BBX: variants seen among roughly 807,000 people sequenced by gnomAD.
BBX encodes the protein HMG box transcription factor BBX.
BBX carries 30 observed loss-of-function variants against 100.2 expected under a neutral mutation model. The ratio of observed to expected loss-of-function variants is 0.30; its 90% CI spans 0.22 to 0.41. The LOEUF (loss-of-function observed/expected upper bound fraction) is 0.41, where lower values mean the gene tolerates loss of function less well. BBX is among the 10% of genes least tolerant of loss of function. The pLI is 1.00. For missense variants in BBX, 1,023 were observed against 1,129.8 expected, an observed-to-expected ratio of 0.91 and a Z score of 1.35; for synonymous variants, 376 against 388.1, an observed-to-expected ratio of 0.97 and a Z score of 0.37.
intron 2 of BBX, among the ~76,000 whole-genome samples, chr3:107,565,384 A>AT (rs2050802781): frequency 6.6e-6 from 1 of 150,810 alleles, no homozygotes. Flanking sequence ...ATTTGTACAT[A>AT]TTTTTTACAT....
intron 2 of BBX, among the ~76,000 whole-genome samples, chr3:107,606,676 G>GT (rs2054470026): frequency 6.6e-6 from 1 of 151,930 alleles, no homozygotes; most frequent in African/African-American, 2.4e-5. Flanking sequence ...TGGGTACCTT[G>GT]TAGATATATA....
intron 10 of BBX, among the ~76,000 whole-genome samples, chr3:107,759,611 C>CA (rs1445893331): frequency 6.6e-6 from 1 of 152,100 alleles, no homozygotes; most frequent in Non-Finnish European, 1.5e-5. Flanking sequence ...CCAAAATTGT[C>CA]TAATATAACA....
chr3:107,798,393 A>G, intron 15 of BBX, 130 bp from the exon 16 acceptor site: 1 of 804,976 alleles, frequency 1.2e-6, no homozygotes, highest in African/African-American at 1.7e-5. Flanking sequence ...TTTTTCCATC[A>G]GTACTTTGAA....
intron 14 of BBX, among the ~76,000 whole-genome samples, chr3:107,790,628 G>C (rs1559753581): frequency 6.6e-6 from 1 of 152,190 alleles, no homozygotes; most frequent in Non-Finnish European, 1.5e-5. Flanking sequence ...GTGCAGCCAA[G>C]TATTCTGTAG....
At chr3:107,748,275 AC>A (rs963358231) in intron 9 of BBX, among the ~76,000 whole-genome samples, 2 of 152,210 alleles carry the variant, frequency 1.3e-5, no homozygotes, top group Non-Finnish European at 2.9e-5. Context: ...CATTCAGAAT[AC>A]CAGTAATGTG....
chr3:107,805,675 C>CCTG lies in BBX; in HGVS notation c.*218_*219insCTG. 2.5e-6 allele frequency: 2 copies of CCTG among 788,270 alleles called. No homozygotes were observed. The highest frequency in any genetic ancestry group is 2.2e-5 in the South Asian group (1 of 44,686). The allele number at this position is 788,270 out of a possible 1,614,324, so 48.8% of individuals were successfully genotyped here. Reference sequence around the variant, plus strand: ...TGAGGGTAAGGTTATCTGTCTGATACTGAGCAGAAACAGAATGATCCTGGA... The same window carrying CCTG: ...TGAGGGTAAGGTTATCTGTCTGATACCTGTGAGCAGAAACAGAATGATCCTGGA... On this transcript the variant is annotated 3_prime_UTR_variant, in exon 18 of 18. Coordinates refer to ENST00000325805, the MANE Select transcript of BBX (RefSeq NM_001142568.3).
chr3:107,753,083 G>A (rs1256042245), intron 9 of BBX, among the ~76,000 whole-genome samples: 1 of 152,142 alleles, frequency 6.6e-6, no homozygotes, highest in Non-Finnish European at 1.5e-5. Context: ...GATTATTATG[G>A]AAAGAAGAGC....
chr3:107,545,133 C>T (rs1180949039), intron 2 of BBX, among the ~76,000 whole-genome samples: 1 of 152,174 alleles, frequency 6.6e-6, no homozygotes, highest in Non-Finnish European at 1.5e-5. Context: ...TATCTCTTGG[C>T]CCAACCAATT....
intron 3 of BBX, among the ~76,000 whole-genome samples, chr3:107,649,744 G>A (rs1185363101): frequency 1.3e-5 from 2 of 152,082 alleles, no homozygotes; most frequent in Admixed American, 6.5e-5. Context: ...TACTTCTACC[G>A]GAAATTGGAA....
At chr3:107,605,123 T>A (rs904056361) in intron 2 of BBX, among the ~76,000 whole-genome samples, 4 of 152,226 alleles carry the variant, frequency 2.6e-5, no homozygotes, top group Non-Finnish European at 1.5e-5. Flanking sequence ...ATAACACCTT[T>A]ATTTTAAAAG....
intron 3 of BBX, among the ~76,000 whole-genome samples, chr3:107,694,754 A>G (rs2060455780): frequency 6.6e-6 from 1 of 151,598 alleles, no homozygotes; most frequent in African/African-American, 2.4e-5. Context: ...TGATTGGAAT[A>G]GTTTCAGAAG....
At chr3:107,590,219 G>A (rs1357036089) in intron 2 of BBX, among the ~76,000 whole-genome samples, 1 of 152,058 alleles carries the variant, frequency 6.6e-6, no homozygotes, top group Non-Finnish European at 1.5e-5. Context: ...ACATGGTTAA[G>A]CAGAAATTTA....
At chr3:107,549,002 A>T (rs1224655775) in intron 2 of BBX, among the ~76,000 whole-genome samples, 1 of 152,156 alleles carries the variant, frequency 6.6e-6, no homozygotes, top group Non-Finnish European at 1.5e-5. Context: ...TGGGGAAGGG[A>T]AGGAGGGGAG....
intron 13 of BBX, among the ~76,000 whole-genome samples, chr3:107,785,020 A>G (rs1489459928): frequency 6.6e-6 from 1 of 151,786 alleles, no homozygotes; most frequent in Admixed American, 6.6e-5. Context: ...TTATAAAACA[A>G]TACTATAAAC....
chr3:107,649,244 A>C (rs1216185797), intron 3 of BBX, among the ~76,000 whole-genome samples: 1 of 152,206 alleles, frequency 6.6e-6, no homozygotes, highest in African/African-American at 2.4e-5. Flanking sequence ...GATTAGTACG[A>C]TTTAAGATGA....
chr3:107,793,980 G>C (rs1046984650), intron 15 of BBX, among the ~76,000 whole-genome samples: 1 of 151,512 alleles, frequency 6.6e-6, no homozygotes, highest in African/African-American at 2.4e-5. Context: ...TTGAAATTTC[G>C]GTATATATGT....
intron 4 of BBX, among the ~76,000 whole-genome samples, chr3:107,712,538 C>G (rs1303627420): frequency 6.6e-6 from 1 of 152,196 alleles, no homozygotes; most frequent in Non-Finnish European, 1.5e-5. Context: ...TCACATCCAT[C>G]CATTAGCAAA....
rs2068829412 is a variant in BBX, at chr3:107,790,003, C to T, written c.2293+127C>T. ...TCTGCTTGCTTCAGTGCCATCAGCT[C>T]CTGACGCGGGTGTTCTCATTCTTTC... On this transcript the variant is annotated intron_variant, in intron 14 of 17. Transcript: ENST00000325805. 6.4e-6 allele frequency: 4 copies of T among 622,254 alleles called. No individual in the cohort carries two copies. In the African/African-American group the frequency reaches 7.4e-5, roughly 11 times the overall value. 38.5% of individuals were successfully genotyped at this position (622,254 alleles called of 1,614,324 possible).
At chr3:107,664,334 A>G (rs776818776) in intron 3 of BBX, among the ~76,000 whole-genome samples, 107 of 152,336 alleles carry the variant, frequency 7.0e-4, no homozygotes, top group Non-Finnish European at 1.1e-3. Flanking sequence ...CACTAACAGA[A>G]TGTAAGTATT....
Sources: allele counts gnomAD v4.1 joint callset (sites outside exome capture counted in the v4.1 genomes callset), GRCh38; gene constraint gnomAD v4.1.1; transcripts MANE v1.5; gene names NCBI Gene and HGNC (gene_info 2026-07-23, HGNC 2026-07-21).